Variants in ZNF438 observed in about 807,000 individuals in gnomAD.
ZNF438 encodes zinc finger protein 438.
Under a neutral mutation model 38.0 loss-of-function variants are expected in ZNF438, and 25 were observed. The observed-to-expected ratio is 0.66, with a 90% CI of 0.48 to 0.92. ZNF438 has a LOEUF of 0.92. Among genes scored for constraint, ZNF438 ranks in the 40% least tolerant of loss-of-function variants. ZNF438 has a pLI of 0.00. For missense variants in ZNF438, 1,007 were observed against 999.6 expected (o/e 1.01, Z -0.10); for synonymous variants, 372 against 364.1 (o/e 1.02, Z -0.25).
At chr10:30,849,032 G>A (rs373408958) in exon 5 of ZNF438, 2 of 1,614,028 alleles carry the variant, frequency 1.2e-6, no homozygotes, top group African/African-American at 2.7e-5. Flanking sequence ...AAGCATCTGG[G>A]ACTGTAGTGT....
chr10:30,883,828 G>A (rs2039592159), intron 3 of ZNF438, among the ~76,000 whole-genome samples: 1 of 152,224 alleles, frequency 6.6e-6, no homozygotes, highest in Non-Finnish European at 1.5e-5. Context: ...TGAGGTTGCA[G>A]TGAGCCCTGA....
intron 2 of ZNF438, among the ~76,000 whole-genome samples, chr10:30,937,889 T>A (rs2046413902): frequency 6.6e-6 from 1 of 152,200 alleles, no homozygotes; most frequent in Admixed American, 6.5e-5. Context: ...TCCCAGTGCT[T>A]GAGGGACAGA....
At chr10:30,866,209 T>A (rs1214611820) in intron 4 of ZNF438, among the ~76,000 whole-genome samples, 1 of 152,212 alleles carries the variant, frequency 6.6e-6, no homozygotes, top group Non-Finnish European at 1.5e-5. Context: ...CTGCTGCATA[T>A]GGAAATAGGA....
intron 3 of ZNF438, among the ~76,000 whole-genome samples, chr10:30,891,930 C>T (rs182409081): frequency 6.6e-6 from 1 of 152,228 alleles, no homozygotes; most frequent in Admixed American, 6.5e-5. Flanking sequence ...AGTGAAGTTA[C>T]CAACACAACA....
intron 3 of ZNF438, among the ~76,000 whole-genome samples, chr10:30,888,767 G>A (rs1389193188): frequency 2.6e-5 from 4 of 152,140 alleles, no homozygotes; most frequent in African/African-American, 9.7e-5. Flanking sequence ...TCTTCATCCA[G>A]TACCACTGAT....
chr10:31,020,108 AAC>A (rs2056483083), intron 1 of ZNF438, among the ~76,000 whole-genome samples: 1 of 152,234 alleles, frequency 6.6e-6, no homozygotes. Context: ...CACAGAGAAA[AAC>A]ACATTTCAAA....
intron 1 of ZNF438, among the ~76,000 whole-genome samples, chr10:31,028,280 A>G (rs2057070152): frequency 6.6e-6 from 1 of 152,142 alleles, no homozygotes; most frequent in African/African-American, 2.4e-5. Context: ...ATCACCCTCT[A>G]TTATGCAAGC....
intron 2 of ZNF438, among the ~76,000 whole-genome samples, chr10:30,933,214 G>C (rs2045883093): frequency 6.6e-6 from 1 of 152,042 alleles, no homozygotes; most frequent in Admixed American, 6.5e-5. Flanking sequence ...TCTAAATTCT[G>C]TTCAAAGAAA....
chr10:30,895,635 A>G (rs557701726), intron 3 of ZNF438, among the ~76,000 whole-genome samples: 6 of 152,374 alleles, frequency 3.9e-5, no homozygotes, highest in Non-Finnish European at 7.3e-5. Context: ...TATCCAGAAT[A>G]TATAAAGAAC....
chr10:30,849,100 G>A, exon 5 of ZNF438: 1 of 1,613,904 alleles, frequency 6.2e-7, no homozygotes, highest in Non-Finnish European at 8.5e-7. Context: ...TGGGCATAAT[G>A]CTACGGTATT....
chr10:30,891,950 G>T (rs77453897), intron 3 of ZNF438, among the ~76,000 whole-genome samples: 12,965 of 152,180 alleles, frequency 0.085, 631 homozygotes, highest in Non-Finnish European at 0.11. Flanking sequence ...AAAGATGAAC[G>T]CTTTTCAAAA....
Position 30,919,235 on chromosome 10 carries a change from C to T in ZNF438, c.-114-10220G>A, listed in dbSNP as rs376813361. 5.3e-5 allele frequency: 8 copies of T among 152,312 alleles called. No homozygotes were observed. The East Asian group carries it at 1.5e-3, about 29-fold the overall frequency. 9.4% of individuals were successfully genotyped at this position (152,312 alleles called of 1,614,324 possible). A position where few individuals can be genotyped will look rare whatever the true frequency, so the allele number is the denominator to read the frequency against. ...TTCAGACATCTGTATGTACGAGGATCTAAGAGTGAATTAATCGAATTTCCC... is the reference window on the plus strand; with the variant it reads ...TTCAGACATCTGTATGTACGAGGATTTAAGAGTGAATTAATCGAATTTCCC... On this transcript the variant is annotated intron_variant, in intron 2 of 5. Transcript: ENST00000413025.
At chr10:30,981,398 G>A (rs139389045) in intron 1 of ZNF438, among the ~76,000 whole-genome samples, 1 of 152,290 alleles carries the variant, frequency 6.6e-6, no homozygotes, top group East Asian at 1.9e-4. Flanking sequence ...CCTGGGAGCT[G>A]CTTATATCAT....
chr10:31,004,804 G>C (rs558544235), intron 1 of ZNF438, among the ~76,000 whole-genome samples: 2 of 152,214 alleles, frequency 1.3e-5, no homozygotes, highest in East Asian at 1.9e-4. Flanking sequence ...GTAGAAATGT[G>C]GGGGAGGGGG....
chr10:31,025,501 T>C (rs556924266), intron 1 of ZNF438, among the ~76,000 whole-genome samples: 86 of 152,370 alleles, frequency 5.6e-4, no homozygotes, highest in African/African-American at 2.0e-3. Context: ...CACTGCTTGG[T>C]GGCTTGCAAT....
intron 4 of ZNF438, among the ~76,000 whole-genome samples, chr10:30,863,700 G>C (rs979170285): frequency 5.3e-5 from 8 of 152,320 alleles, no homozygotes; most frequent in Admixed American, 4.6e-4. Flanking sequence ...GGCTATGTGT[G>C]CCTGTGAGTG....
At chr10:30,943,827 T>G (rs2047076659) in intron 1 of ZNF438, among the ~76,000 whole-genome samples, 1 of 151,708 alleles carries the variant, frequency 6.6e-6, no homozygotes, top group South Asian at 2.1e-4. Context: ...AAACCTAGAT[T>G]TTTTAAATGC....
Position 30,925,353 on chromosome 10 carries a change from C to T in ZNF438, c.-115+16222G>A, listed in dbSNP as rs549136155. Among the ~76,000 whole-genome samples, 10 of 152,220 alleles carry T rather than the reference C, an allele frequency of 6.6e-5. No individual in the cohort carries two copies. In the East Asian group the frequency reaches 1.9e-3, roughly 29 times the overall value. On this transcript the variant is annotated intron_variant, in intron 2 of 5. Coordinates refer to ENST00000413025, the Ensembl canonical transcript of ZNF438. ...TGAATAATCTGGGGAAGATTACTTG[C>T]TTTTGCTTTGAACATTTCTACTACA...
At chr10:30,859,455 G>A (rs1448854727) in intron 4 of ZNF438, among the ~76,000 whole-genome samples, 1 of 152,052 alleles carries the variant, frequency 6.6e-6, no homozygotes, top group African/African-American at 2.4e-5. Flanking sequence ...TATTCCAAAG[G>A]CTCTTTCTAC....
Sources: allele counts gnomAD v4.1 joint callset (sites outside exome capture counted in the v4.1 genomes callset), GRCh38; gene constraint gnomAD v4.1.1; transcripts MANE v1.5; gene names NCBI Gene and HGNC (gene_info 2026-07-23, HGNC 2026-07-21).